Variants in PATL2 observed in about 807,000 individuals in gnomAD.
PATL2 encodes protein PAT1 homolog 2.
A neutral mutation model predicts 77.0 loss-of-function variants in PATL2; 73 were observed. The ratio of observed to expected loss-of-function variants is 0.95; its 90% CI spans 0.78 to 1.15. The LOEUF is 1.15. PATL2 is among the 50% of genes most tolerant of loss of function. The pLI is 0.00. For synonymous variants in PATL2, 265 were observed against 257.1 expected, an observed-to-expected ratio of 1.03 and a Z score of -0.29; for missense variants, 618 against 655.4, an observed-to-expected ratio of 0.94 and a Z score of 0.62.
At chr15:44,669,467 A>G in intron 12 of PATL2, 43 bp downstream of exon 12, 4 of 1,549,108 alleles carry the variant, frequency 2.6e-6, no homozygotes, top group Middle Eastern at 3.3e-4. Flanking sequence ...TCTCATTCTC[A>G]AAGGTAGGTT....
intron 3 of PATL2, among the ~76,000 whole-genome samples, chr15:44,708,781 C>T (rs1457751490): frequency 1.3e-5 from 2 of 152,298 alleles, no homozygotes; most frequent in South Asian, 2.1e-4. Context: ...CATTAATGTC[C>T]AAGTCTTTGT....
intron 2 of PATL2, among the ~76,000 whole-genome samples, chr15:44,710,477 G>A (rs1247348349): frequency 6.6e-6 from 1 of 152,146 alleles, no homozygotes; most frequent in Non-Finnish European, 1.5e-5. Flanking sequence ...CCTTGGCTGG[G>A]TCCAAGGCAG....
chr15:44,695,439 GC>G (rs1370443319), intron 3 of PATL2, among the ~76,000 whole-genome samples: 1 of 152,090 alleles, frequency 6.6e-6, no homozygotes, highest in Admixed American at 6.6e-5. Flanking sequence ...AGACAAGATG[GC>G]GCTGGCCAAG....
At chr15:44,701,083 A>G (rs923390771) in intron 3 of PATL2, among the ~76,000 whole-genome samples, 7 of 151,186 alleles carry the variant, frequency 4.6e-5, no homozygotes, top group South Asian at 2.1e-4. Context: ...TGATTTGTGT[A>G]TGTTCAACCA....
intron 3 of PATL2, among the ~76,000 whole-genome samples, chr15:44,705,808 A>ATGGTTTTTTTTTT (rs2086722397): frequency 1.8e-5 from 1 of 56,626 alleles, no homozygotes; most frequent in African/African-American, 1.3e-4. Context: ...TCCTCAAAAC[A>ATGGTTTTTTTTTT]TTGTTTTTTT....
intron 4 of PATL2, chr15:44,676,190 C>G: frequency 2.2e-6 from 1 of 460,700 alleles, no homozygotes; most frequent in Non-Finnish European, 4.0e-6. Context: ...TGCCCTGACT[C>G]ACTGCAATTT....
At chr15:44,686,440 C>T in intron 3 of PATL2, among the ~76,000 whole-genome samples, 1 of 152,066 alleles carries the variant, frequency 6.6e-6, no homozygotes, top group Middle Eastern at 3.2e-3. Flanking sequence ...GAACTAAATG[C>T]CCACAAGAGG....
rs570356085 is a variant in PATL2 at position 44,702,932 on chromosome 15, A to C, written c.-76+7164T>G. Among the ~76,000 whole-genome samples the C allele has an allele frequency of 4.9e-4, 75 of 152,190 alleles. 1 individual carries two copies. Among genetic ancestry groups the C allele is most frequent in the African/African-American group, 1.8e-3 (73 of 41,466 alleles). On this transcript the variant is annotated intron_variant, in intron 3 of 17. Coordinates refer to ENST00000682850, the MANE Select transcript of PATL2 (RefSeq NM_001387263.1). ...ATCCTTGAGAATGATCCATGTGCTGAGGAGAAGAATGGGTATTCTGTAGCC... is the reference window on the plus strand; with the variant it reads ...ATCCTTGAGAATGATCCATGTGCTGCGGAGAAGAATGGGTATTCTGTAGCC...
intron 3 of PATL2, among the ~76,000 whole-genome samples, chr15:44,686,661 T>C (rs765494113): frequency 5.3e-5 from 8 of 151,458 alleles, no homozygotes; most frequent in Non-Finnish European, 1.0e-4. Context: ...CAACTAGCCA[T>C]ACTAATAAAG....
intron 3 of PATL2, among the ~76,000 whole-genome samples, chr15:44,679,828 T>C (rs1171583601): frequency 6.6e-6 from 1 of 152,206 alleles, no homozygotes. Context: ...GTATTCAAAC[T>C]GGATAATCTA....
intron 6 of PATL2, 51 bp from the exon 7 acceptor site, chr15:44,673,428 T>G (rs1294166735): frequency 1.3e-6 from 2 of 1,543,126 alleles, no homozygotes; most frequent in African/African-American, 2.7e-5. Context: ...ACCAAAAGAA[T>G]GCTGCTCTTG....
rs1003313136 is a variant in PATL2, at chr15:44,676,371, A to G, written c.16+104T>C. Reference sequence around the variant, plus strand: ...TAATTAGCAAGTGGAAGAATTTGGAATAACTTCCAGTGACTCTGGACATCC... The same window carrying G: ...TAATTAGCAAGTGGAAGAATTTGGAGTAACTTCCAGTGACTCTGGACATCC... On this transcript the variant is annotated intron_variant, in intron 4 of 17. Coordinates refer to ENST00000682850, the MANE Select transcript of PATL2 (RefSeq NM_001387263.1). 2.8e-6 allele frequency: 3 copies of G among 1,061,314 alleles called. No individual in the cohort carries two copies. In the African/African-American group the frequency reaches 4.7e-5, roughly 17 times the overall value. 65.7% of individuals were successfully genotyped at this position (1,061,314 alleles called of 1,614,324 possible).
intron 3 of PATL2, among the ~76,000 whole-genome samples, chr15:44,701,619 C>T (rs1472305409): frequency 6.6e-6 from 1 of 150,632 alleles, no homozygotes; most frequent in Non-Finnish European, 1.5e-5. Context: ...TTGCTTGAAC[C>T]CAGGGGGTGG....
In PATL2 at chr15:44,674,237, C is replaced by A; in HGVS notation, c.223-7G>T. 8 of 1,537,992 alleles carry A rather than the reference C, an allele frequency of 5.2e-6. No individual in the cohort carries two copies. Among genetic ancestry groups the A allele is most frequent in the Non-Finnish European group, 7.0e-6 (8 of 1,136,338 alleles). ...GGGAGCTAAGCAGAGCTCTCTGGAACAGGAGGGAGGAAAAACCAGGCTCAA... is the reference window on the plus strand; with the variant it reads ...GGGAGCTAAGCAGAGCTCTCTGGAAAAGGAGGGAGGAAAAACCAGGCTCAA... On this transcript the variant is annotated splice_region_variant and splice_polypyrimidine_tract_variant and intron_variant, in intron 5 of 17. Coordinates refer to ENST00000682850, the MANE Select transcript of PATL2 (RefSeq NM_001387263.1).
At chr15:44,680,165 G>C (rs2086101834) in intron 3 of PATL2, among the ~76,000 whole-genome samples, 1 of 152,144 alleles carries the variant, frequency 6.6e-6, no homozygotes, top group East Asian at 1.9e-4. Context: ...TTCACACCTT[G>C]GTGAATATTC....
chr15:44,692,715 A>G (rs1477490443), intron 3 of PATL2, among the ~76,000 whole-genome samples: 1 of 152,262 alleles, frequency 6.6e-6, no homozygotes, highest in Non-Finnish European at 1.5e-5. Flanking sequence ...GAAGAAAACC[A>G]AAACTTTGGG....
intron 5 of PATL2, chr15:44,675,199 C>G (rs570675526): frequency 5.4e-6 from 2 of 369,358 alleles, no homozygotes; most frequent in African/African-American, 4.1e-5. Flanking sequence ...CAGGATCAGG[C>G]AAACGTGACT....
At chr15:44,673,937 G>T (rs746484755) in intron 6 of PATL2, among the ~76,000 whole-genome samples, 2 of 152,178 alleles carry the variant, frequency 1.3e-5, no homozygotes, top group African/African-American at 2.4e-5. Flanking sequence ...ATGGCCAGTT[G>T]TCCCAGTACC....
intron 3 of PATL2, among the ~76,000 whole-genome samples, chr15:44,690,023 C>G (rs914593789): frequency 2.0e-5 from 3 of 152,218 alleles, no homozygotes; most frequent in Admixed American, 1.3e-4. Context: ...AACCCCATCT[C>G]TACTAAAAAT....
Sources: allele counts gnomAD v4.1 joint callset (sites outside exome capture counted in the v4.1 genomes callset), GRCh38; gene constraint gnomAD v4.1.1; transcripts MANE v1.5; gene names NCBI Gene and HGNC (gene_info 2026-07-23, HGNC 2026-07-21).